Variants in GNAL observed in about 807,000 individuals in gnomAD.
GNAL encodes guanine nucleotide-binding protein G(olf) subunit alpha.
In GNAL, 18 loss-of-function variants were observed where a neutral mutation model predicts 55.1. The ratio of observed to expected loss-of-function variants is 0.33; its 90% CI spans 0.23 to 0.48. The LOEUF is 0.48. Among genes scored for constraint, GNAL ranks in the 20% least tolerant of loss-of-function variants. The pLI, the probability that GNAL is intolerant of heterozygous loss-of-function variation, is 0.99. For synonymous variants in GNAL, 253 were observed against 237.0 expected, an observed-to-expected ratio of 1.07 and a Z score of -0.62; for missense variants, 412 against 614.1, an observed-to-expected ratio of 0.67 and a Z score of 3.48.
chr18:11,879,987 G>A (rs563997108), intron 11 of GNAL, among the ~76,000 whole-genome samples: 25 of 152,288 alleles, frequency 1.6e-4, no homozygotes, highest in Non-Finnish European at 1.9e-4. Context: ...GGCCGGGCGC[G>A]GTGGCTCACG....
intron 1 of GNAL, among the ~76,000 whole-genome samples, chr18:11,704,878 G>T (rs2031666986): frequency 6.6e-6 from 1 of 151,984 alleles, no homozygotes; most frequent in South Asian, 2.1e-4. Flanking sequence ...GTTTTGACAT[G>T]TGTATACACC....
intron 1 of GNAL, among the ~76,000 whole-genome samples, chr18:11,717,146 G>T (rs1030517250): frequency 6.6e-6 from 1 of 152,236 alleles, no homozygotes; most frequent in African/African-American, 2.4e-5. Context: ...GCTGGCCCAG[G>T]TGCTAAGCCC....
intron 4 of GNAL, among the ~76,000 whole-genome samples, chr18:11,765,195 C>T (rs974035884): frequency 1.3e-5 from 2 of 152,116 alleles, no homozygotes; most frequent in African/African-American, 4.8e-5. Context: ...AGCCACATGA[C>T]CATTTTTATC....
At chr18:11,767,905 T>C (rs747238234) in intron 4 of GNAL, among the ~76,000 whole-genome samples, 3 of 150,582 alleles carry the variant, frequency 2.0e-5, no homozygotes, top group African/African-American at 4.9e-5. Flanking sequence ...TATTTAAATA[T>C]TGATTTGCCA....
intron 1 of GNAL, among the ~76,000 whole-genome samples, chr18:11,742,261 A>T (rs923387687): frequency 6.6e-6 from 1 of 152,198 alleles, no homozygotes; most frequent in African/African-American, 2.4e-5. Context: ...TCAGCAGAAA[A>T]AGCTAGGAAA....
chr18:11,851,304 A>T, intron 5 of GNAL: 3 of 562,952 alleles, frequency 5.3e-6, no homozygotes, highest in Non-Finnish European at 9.0e-6. Flanking sequence ...CTGGCGTCTT[A>T]CGTCCCACAG....
intron 1 of GNAL, among the ~76,000 whole-genome samples, chr18:11,738,744 CA>C (rs1419257866): frequency 4.6e-5 from 7 of 152,188 alleles, no homozygotes; most frequent in African/African-American, 1.2e-4. Flanking sequence ...CCACCACGCC[CA>C]GCCAAGCCTT....
rs569763939 is a variant in GNAL at position 11,848,048 on chromosome 18, G to A, written c.723-14347G>A. Among the ~76,000 whole-genome samples the A allele has an allele frequency of 3.3e-5, 5 of 152,292 alleles. No homozygotes were observed. In the East Asian group the frequency reaches 9.7e-4, roughly 29 times the overall value. On this transcript the variant is annotated intron_variant, in intron 5 of 11. Coordinates refer to ENST00000334049, the MANE Select transcript of GNAL (RefSeq NM_182978.4). ...GTAAATGGGAATGAGCAGATTTGGG[G>A]GAAAGGACTGAGTTCAGTCACTTTG...
At chr18:11,789,633 A>T (rs768883191) in intron 4 of GNAL, among the ~76,000 whole-genome samples, 62 of 152,334 alleles carry the variant, frequency 4.1e-4, no homozygotes, top group Non-Finnish European at 7.5e-4. Context: ...AATGTACTTT[A>T]AGTGGATTGT....
At chr18:11,760,668 T>C (rs761292061) in intron 4 of GNAL, among the ~76,000 whole-genome samples, 3 of 152,140 alleles carry the variant, frequency 2.0e-5, no homozygotes, top group Admixed American at 1.3e-4. Context: ...TGGGTCTTCA[T>C]AGGGGCTGAG....
intron 4 of GNAL, among the ~76,000 whole-genome samples, chr18:11,788,914 A>AAAAAAAAAAAAAAAATAT (rs60071996): frequency 5.3e-5 from 3 of 56,302 alleles, no homozygotes; most frequent in Non-Finnish European, 5.8e-5. Context: ...AAAAAAAAAA[A>AAAAAAAAAAAAAAAATAT]ATATATATAT....
intron 4 of GNAL, among the ~76,000 whole-genome samples, chr18:11,788,198 A>G (rs549670049): frequency 8.5e-5 from 13 of 152,302 alleles, no homozygotes; most frequent in African/African-American, 3.1e-4. Flanking sequence ...TTCAAACAAG[A>G]TCCCTAAGCC....
intron 7 of GNAL, 52 bp downstream of exon 7, chr18:11,864,658 G>A: frequency 2.1e-6 from 2 of 974,948 alleles, no homozygotes; most frequent in South Asian, 2.6e-5. Flanking sequence ...ATGTCCCAGA[G>A]CCGAAGGGCT....
chr18:11,771,662 C>T (rs1055504233), intron 4 of GNAL, among the ~76,000 whole-genome samples: 2 of 152,074 alleles, frequency 1.3e-5, no homozygotes, highest in African/African-American at 2.4e-5. Flanking sequence ...GCAGGTAGAC[C>T]AGGGACAGTG....
chr18:11,862,595 G>C, intron 6 of GNAL, 146 bp downstream of exon 6: 1 of 652,300 alleles, frequency 1.5e-6, no homozygotes, highest in East Asian at 2.8e-5. Context: ...CTGTGTGTGT[G>C]CGTGGATTGG....
intron 1 of GNAL, among the ~76,000 whole-genome samples, chr18:11,700,765 G>C (rs1254417288): frequency 2.6e-5 from 4 of 152,338 alleles, no homozygotes; most frequent in African/African-American, 9.6e-5. Flanking sequence ...CTGTGCTTTG[G>C]ATTAATGCTC....
At chr18:11,779,551 T>G (rs2033873735) in intron 4 of GNAL, among the ~76,000 whole-genome samples, 1 of 152,224 alleles carries the variant, frequency 6.6e-6, no homozygotes. Flanking sequence ...TTCAGTTCAC[T>G]CTGACCTAGC....
Position 11,883,687 on chromosome 18 carries a change from T to C in GNAL, c.*2552T>C, listed in dbSNP as rs2036787711. 6.6e-6 allele frequency: 1 copy of C among 150,674 alleles called. No homozygotes were observed. The highest frequency in any genetic ancestry group is 1.9e-4 in the East Asian group (1 of 5,172). The allele number at this position is 150,674 out of a possible 1,614,324, so 9.3% of individuals were successfully genotyped here. A position where few individuals can be genotyped will look rare whatever the true frequency, so the allele number is the denominator to read the frequency against. On this transcript the variant is annotated 3_prime_UTR_variant, in exon 12 of 12. Coordinates refer to ENST00000334049, the MANE Select transcript of GNAL (RefSeq NM_182978.4). The stretch of plus-strand genomic sequence containing the variant: ...CAATATGTTCTGCACATCACATCTG[T>C]ACTTTTTTTTTTTTAAATATATTTT...
chr18:11,871,621 G>A (rs1318157688), intron 9 of GNAL, among the ~76,000 whole-genome samples: 1 of 152,208 alleles, frequency 6.6e-6, no homozygotes, highest in African/African-American at 2.4e-5. Context: ...AAGTGATGGA[G>A]GCGGAAGAAG....
Sources: allele counts gnomAD v4.1 joint callset (sites outside exome capture counted in the v4.1 genomes callset), GRCh38; gene constraint gnomAD v4.1.1; transcripts MANE v1.5; gene names NCBI Gene and HGNC (gene_info 2026-07-23, HGNC 2026-07-21).